Variants in RTTN observed in about 807,000 individuals in gnomAD.
The protein encoded by RTTN is rotatin.
RTTN carries 182 observed loss-of-function variants against 269.2 expected under a neutral mutation model. The observed-to-expected ratio is 0.68, with a 90% CI of 0.60 to 0.76. The LOEUF (loss-of-function observed/expected upper bound fraction) is 0.76. Ranked by LOEUF, RTTN falls within the 30% of genes least tolerant of loss-of-function variation. The probability of loss-of-function intolerance (pLI) is 0.00; values close to 1 mark genes in which losing one functional copy is unlikely to be tolerated. For synonymous variants in RTTN, 1,006 were observed against 963.5 expected (o/e 1.04, Z -0.82); for missense variants, 2,545 against 2,608.6 (o/e 0.98, Z 0.53).
chr18:70,032,839 T>C (rs1323834086), intron 40 of RTTN, among the ~76,000 whole-genome samples: 1 of 152,218 alleles, frequency 6.6e-6, no homozygotes, highest in Non-Finnish European at 1.5e-5. Context: ...CTGATAGACA[T>C]CTACAGAACT....
intron 44 of RTTN, 115 bp downstream of exon 44, chr18:70,024,607 C>G: frequency 1.0e-6 from 1 of 964,952 alleles, no homozygotes. Flanking sequence ...ATCATATCCT[C>G]AATAAATCAG....
chr18:70,023,085 T>C (rs1022339410), intron 44 of RTTN, among the ~76,000 whole-genome samples: 5 of 152,152 alleles, frequency 3.3e-5, no homozygotes, highest in Admixed American at 6.5e-5. Context: ...GACTGGATTA[T>C]AAGAGACTAT....
rs374868055 is a variant in RTTN, at chr18:70,197,753, G to A, written c.579-15C>T. 35 of 1,466,638 alleles carry A rather than the reference G, an allele frequency of 2.4e-5. No homozygotes were observed. The highest frequency in any genetic ancestry group is 1.7e-4 in the Middle Eastern group (1 of 5,764). 90.9% of individuals were successfully genotyped at this position (1,466,638 alleles called of 1,614,324 possible). On this transcript the variant is annotated splice_polypyrimidine_tract_variant and intron_variant, in intron 5 of 48. Transcript: ENST00000640769. ...TTCTTAAAGAGCTACAAAACATAGCGTTAATCATTTTTAAGAAGAGTTCAT... is the reference window on the plus strand; with the variant it reads ...TTCTTAAAGAGCTACAAAACATAGCATTAATCATTTTTAAGAAGAGTTCAT...
At chr18:70,187,001 G>A (rs572074712) in intron 10 of RTTN, among the ~76,000 whole-genome samples, 7 of 152,210 alleles carry the variant, frequency 4.6e-5, no homozygotes, top group East Asian at 1.9e-4. Context: ...CACACGTACC[G>A]CTGAAGCTAA....
chr18:70,088,589 G>A (rs1271122864), intron 30 of RTTN, among the ~76,000 whole-genome samples: 1 of 152,064 alleles, frequency 6.6e-6, no homozygotes, highest in African/African-American at 2.4e-5. Flanking sequence ...CATTTTACAA[G>A]GCATTTCGTA....
At position 70,065,849 on chromosome 18, in the gene RTTN, T is replaced by C. The variant is rs753903240; in HGVS notation, c.4727A>G (p.His1576Arg). The C allele has an allele frequency of 6.2e-7, 1 of 1,601,814 alleles. No individual in the cohort carries two copies. The highest frequency in any genetic ancestry group is 8.5e-7 in the Non-Finnish European group (1 of 1,173,278). Residue 1576 changes from histidine (H) to arginine (R), a missense_variant, in exon 35 of 49, where the codon CAT becomes CGT. By Grantham distance (29) the His-to-Arg change is conservative. Transcript: ENST00000640769. ...GATACCTTGAGCCACAAACTGGTCA[T>C]GGGAGGCTTCAGGTAGAAGTGTTGT... Reference protein sequence around the residue: ...QSTTLLPEASHDQFVAQGHQE... With the variant: ...QSTTLLPEASRDQFVAQGHQE...
In RTTN at chr18:70,088,198, C is replaced by T. The variant is rs1212530672; in HGVS notation, c.4144-51G>A. 1.0e-5 allele frequency: 15 copies of T among 1,507,328 alleles called. No homozygotes were observed. In the African/African-American group the frequency reaches 2.0e-4, roughly 20 times the overall value. The allele number at this position is 1,507,328 out of a possible 1,614,324, so 93.4% of individuals were successfully genotyped here. On this transcript the variant is annotated intron_variant, in intron 30 of 48. Transcript: ENST00000640769. ...TGAATCAAATAAGCCTTTTTCCTAA[C>T]ATGAATTCTTAGTTTTTCTGGTACA...
intron 36 of RTTN, among the ~76,000 whole-genome samples, chr18:70,059,289 T>C (rs1423898853): frequency 6.6e-6 from 1 of 152,176 alleles, no homozygotes; most frequent in Non-Finnish European, 1.5e-5. Context: ...TTTTCTACTA[T>C]ACCTTCCTAG....
chr18:70,072,679 G>T (rs2058327107), intron 34 of RTTN, among the ~76,000 whole-genome samples: 1 of 152,088 alleles, frequency 6.6e-6, no homozygotes, highest in Non-Finnish European at 1.5e-5. Context: ...CAAAAAAACT[G>T]AAATATGTAC....
At chr18:70,056,928 T>G (rs2057833685) in intron 37 of RTTN, among the ~76,000 whole-genome samples, 1 of 152,188 alleles carries the variant, frequency 6.6e-6, no homozygotes. Context: ...TGGAGAAGAT[T>G]CAGGCACACA....
At chr18:70,017,380 T>A in intron 46 of RTTN, 27 bp downstream of exon 46, 1 of 1,597,906 alleles carries the variant, frequency 6.3e-7, no homozygotes. Flanking sequence ...ACTACATATA[T>A]AAATGTATGT....
intron 27 of RTTN, among the ~76,000 whole-genome samples, chr18:70,113,227 A>G (rs990912656): frequency 1.3e-5 from 2 of 151,608 alleles, no homozygotes; most frequent in African/African-American, 4.9e-5. Context: ...GCACACTGAT[A>G]CTAAATCCTC....
chr18:70,173,459 C>T lies in RTTN; in HGVS notation c.1476+3216G>A, dbSNP rs893772442. 2.8e-5 allele frequency among the ~76,000 whole-genome samples: 4 copies of T among 144,776 alleles called. No homozygotes were observed. In the South Asian group the frequency reaches 8.7e-4, roughly 32 times the overall value. The allele number at this position is 144,776 out of a possible 152,430, so 95.0% of individuals were successfully genotyped here. A position where few individuals can be genotyped will look rare whatever the true frequency, so the allele number is the denominator to read the frequency against. On this transcript the variant is annotated intron_variant, in intron 11 of 48. Transcript: ENST00000640769. ...AGTGAGCGGAGATCACGCCACTGAACTCCAGCCTGGTGACAGAGCAAGACT... is the reference window on the plus strand; with the variant it reads ...AGTGAGCGGAGATCACGCCACTGAATTCCAGCCTGGTGACAGAGCAAGACT...
intron 26 of RTTN, 56 bp from the exon 27 acceptor site, chr18:70,114,655 C>T (rs1359881480): frequency 2.0e-6 from 3 of 1,526,690 alleles, no homozygotes; most frequent in African/African-American, 2.8e-5. Context: ...ATATTGTTTC[C>T]TATAAAGGGT....
chr18:70,131,459 T>C (rs2059997180), intron 23 of RTTN: 1 of 151,406 alleles, frequency 6.6e-6, no homozygotes, highest in African/African-American at 2.4e-5. Flanking sequence ...GTGGTAAAAA[T>C]ACTAGTTCAC....
chr18:70,175,021 C>G (rs1431174808), intron 11 of RTTN, among the ~76,000 whole-genome samples: 3 of 135,294 alleles, frequency 2.2e-5, no homozygotes, highest in Non-Finnish European at 4.7e-5. Flanking sequence ...GAGTGAGACT[C>G]CGTCTCAAAA....
At chr18:70,029,111 G>T (rs968608440) in intron 42 of RTTN, among the ~76,000 whole-genome samples, 1 of 149,046 alleles carries the variant, frequency 6.7e-6, no homozygotes, top group Admixed American at 6.7e-5. Flanking sequence ...AATATCAGGT[G>T]TTGGCTGACT....
At chr18:70,079,901 A>C (rs2058518813) in intron 32 of RTTN, among the ~76,000 whole-genome samples, 1 of 152,158 alleles carries the variant, frequency 6.6e-6, no homozygotes, top group Non-Finnish European at 1.5e-5. Flanking sequence ...TACTAGAAGC[A>C]AAGTAAGAAT....
chr18:70,006,477 G>A lies in RTTN; in HGVS notation c.6429C>T (p.Val2143=), dbSNP rs372948333. 2 of 1,612,836 alleles carry A rather than the reference G, an allele frequency of 1.2e-6. No individual in the cohort carries two copies. The highest frequency in any genetic ancestry group is 1.3e-5 in the African/African-American group (1 of 74,912). The change falls in exon 47 of 49, where the codon GTC becomes GTT. Residue 2143 remains valine (V), a synonymous_variant. Transcript: ENST00000640769. The part of the protein sequence containing the change: ...NKPKILANEK[V]ITVLAACLES... ...CCAGACAGGCAGCAAGCACAGTAAT[G>A]ACTTTTTCTAAAAATGAACATATAT...
Sources: gnomAD v4.1 joint callset for allele counts (sites outside exome capture counted in the v4.1 genomes callset) on GRCh38, gnomAD v4.1.1 for gene constraint, MANE v1.5 for transcripts, NCBI Gene and HGNC (gene_info 2026-07-23, HGNC 2026-07-21) for gene names.